The following PDCD11 variants were observed in gnomAD, a reference collection of about 807,000 sequenced individuals.
The protein encoded by PDCD11 is programmed cell death 11, also known as protein RRP5 homolog.
In PDCD11, 97 loss-of-function variants were observed where a neutral mutation model predicts 198.9. The ratio of observed to expected loss-of-function variants is 0.49; its 90% confidence interval spans 0.41 to 0.58. The LOEUF (loss-of-function observed/expected upper bound fraction) is 0.58, where lower values mean the gene tolerates loss of function less well. Ranked by LOEUF, PDCD11 falls within the 20% of genes least tolerant of loss-of-function variation. PDCD11 has a pLI of 0.00. For synonymous variants in PDCD11, 893 were observed against 918.0 expected, an observed-to-expected ratio of 0.97 and a Z score of 0.49; for missense variants, 2,102 against 2,312.7, an observed-to-expected ratio of 0.91 and a Z score of 1.87.
chr10:103,435,265 A>G (rs914007025), intron 25 of PDCD11, among the ~76,000 whole-genome samples: 2 of 151,832 alleles, frequency 1.3e-5, no homozygotes, highest in East Asian at 1.9e-4. Context: ...TTCCTTTTCT[A>G]TGCTAATATA....
At chr10:103,439,083 T>C (rs2032272158) in intron 27 of PDCD11, among the ~76,000 whole-genome samples, 1 of 152,176 alleles carries the variant, frequency 6.6e-6, no homozygotes, top group African/African-American at 2.4e-5. Flanking sequence ...ATGCCTGGAA[T>C]CCTAGCGCTT....
At chr10:103,439,479 T>A (rs2032287235) in intron 27 of PDCD11, among the ~76,000 whole-genome samples, 2 of 152,262 alleles carry the variant, frequency 1.3e-5, no homozygotes, top group Non-Finnish European at 2.9e-5. Flanking sequence ...CCTGCCATGC[T>A]GTTTCTGCAG....
In PDCD11 at chr10:103,440,287, T is replaced by C; in HGVS notation, c.4149-3T>C. On this transcript the variant is annotated splice_polypyrimidine_tract_variant and splice_region_variant and intron_variant, in intron 28 of 35. Coordinates refer to ENST00000369797, the MANE Select transcript of PDCD11 (RefSeq NM_014976.2). ...TTTACCTCCCCATCTTGCTCTGTCATAGCCTTAACCACCAGAAGAACCTGG... is the reference window on the plus strand; with the variant it reads ...TTTACCTCCCCATCTTGCTCTGTCACAGCCTTAACCACCAGAAGAACCTGG... The C allele has an allele frequency of 1.2e-6, 2 of 1,611,156 alleles. No individual in the cohort carries two copies. Among genetic ancestry groups the C allele is most frequent in the Admixed American group, 1.7e-5 (1 of 59,338 alleles).
In PDCD11 at chr10:103,434,866, C is replaced by G; in HGVS notation, c.3736C>G (p.Leu1246Val). ...GGTGAAGGTGACTCCCAACGAGGGG[C>G]TGACCGTCTCCTTCCCCTTTGGGAA... ...RVVKVTPNEG[L>V]TVSFPFGKIG... Residue 1246 changes from leucine to valine, a missense_variant, in exon 25 of 36, where the codon CTG becomes GTG. Transcript: ENST00000369797. 6.2e-7 allele frequency: 1 copy of G among 1,613,022 alleles called. No individual in the cohort carries two copies. Among genetic ancestry groups the G allele is most frequent in the Non-Finnish European group, 8.5e-7 (1 of 1,179,510 alleles).
In PDCD11 at chr10:103,409,987, A is replaced by G. The variant is rs146893319; in HGVS notation, c.978+181A>G. Among the ~76,000 whole-genome samples the G allele has an allele frequency of 9.5e-4, 145 of 152,188 alleles. 3 individuals carry two copies. The East Asian group carries it at 0.024, about 25-fold the overall frequency. On this transcript the variant is annotated intron_variant, in intron 8 of 35. Coordinates refer to ENST00000369797, the MANE Select transcript of PDCD11 (RefSeq NM_014976.2). ...GCAGTGGCTCATGCTTGTAATCCCA[A>G]CACTTTAGGAGGTGAGGTGGGCGGA...
At chr10:103,404,075 A>G (rs558826846) in intron 4 of PDCD11, among the ~76,000 whole-genome samples, 126 of 152,000 alleles carry the variant, frequency 8.3e-4, no homozygotes, top group Non-Finnish European at 1.7e-3. Flanking sequence ...TGAAACCTCC[A>G]TCTCCTGGGT....
At chr10:103,426,115 G>A (rs1592132262) in intron 20 of PDCD11, among the ~76,000 whole-genome samples, 1 of 152,336 alleles carries the variant, frequency 6.6e-6, no homozygotes, top group East Asian at 1.9e-4. Flanking sequence ...TGAGAGTCAT[G>A]GTAGCGACTA....
In PDCD11 at chr10:103,434,858, A is replaced by G. The variant is rs138842439; in HGVS notation, c.3728A>G (p.Asn1243Ser). 44 of 1,613,010 alleles carry G rather than the reference A, an allele frequency of 2.7e-5. No homozygotes were observed. In the African/African-American group the frequency reaches 5.7e-4, roughly 21 times the overall value. Residue 1243 changes from asparagine to serine, a missense_variant, in exon 25 of 36, where the codon AAC becomes AGC. Coordinates refer to ENST00000369797, the MANE Select transcript of PDCD11 (RefSeq NM_014976.2). Reference sequence around the variant, plus strand: ...GGCCGAGTGGTGAAGGTGACTCCCAACGAGGGGCTGACCGTCTCCTTCCCC... The same window carrying G: ...GGCCGAGTGGTGAAGGTGACTCCCAGCGAGGGGCTGACCGTCTCCTTCCCC... Reference protein sequence around the residue: ...AMGRVVKVTPNEGLTVSFPFG... With the variant: ...AMGRVVKVTPSEGLTVSFPFG...
rs779823906 is a variant in PDCD11, at chr10:103,425,130, G to A, written c.2910G>A (p.Leu970=). ...CCTTCCGCTTTGACTCAGAGAAATT[G>A]CAGGTGGGACAGGGTGTCTCCCTAA... The part of the protein sequence containing the change: ...NDTFRFDSEK[L]QVGQGVSLTL... The change falls in exon 20 of 36, where the codon TTG becomes TTA. Residue 970 remains leucine (L), a synonymous_variant. Transcript: ENST00000369797. 13 of 1,614,200 alleles carry A rather than the reference G, an allele frequency of 8.1e-6. No homozygotes were observed. The East Asian group carries it at 1.8e-4, about 22-fold the overall frequency.
In PDCD11 at chr10:103,405,135, C is replaced by T. The variant is rs1228834353; in HGVS notation, c.516C>T (p.Pro172=). 8 of 1,613,894 alleles carry T rather than the reference C, an allele frequency of 5.0e-6. No homozygotes were observed. The African/African-American group carries it at 9.3e-5, about 19-fold the overall frequency. Residue 172 remains proline (P), a synonymous_variant, in exon 5 of 36, where the codon CCC becomes CCT. Transcript: ENST00000369797. ...GKKSVKLSLN[P]KNVNRVLSAE... ...AGAGTGTCAAGCTGTCTCTGAACCC[C>T]AAAAATGTCAACAGAGTGCTGAGTG...
In PDCD11 at chr10:103,417,830, A is replaced by G; in HGVS notation, c.1809A>G (p.Lys603=). 6.2e-7 allele frequency: 1 copy of G among 1,614,178 alleles called. No homozygotes were observed. The highest frequency in any genetic ancestry group is 8.5e-7 in the Non-Finnish European group (1 of 1,180,024). Residue 603 remains lysine (K), a synonymous_variant, in exon 14 of 36, where the codon AAA becomes AAG. Coordinates refer to ENST00000369797, the MANE Select transcript of PDCD11 (RefSeq NM_014976.2). ...KVVVLNCEPS[K]ERMLLSFKLS... ...TCGTATTGAACTGTGAGCCATCCAA[A>G]GAGAGGATGCTCTTATCCTTCAAGC... is the stretch of plus-strand genomic sequence containing the variant.
At chr10:103,401,608 T>G (rs1458136453) in intron 3 of PDCD11, among the ~76,000 whole-genome samples, 1 of 152,168 alleles carries the variant, frequency 6.6e-6, no homozygotes, top group African/African-American at 2.4e-5. Context: ...TATGTGTTAG[T>G]TATAAAAAAG....
At chr10:103,410,710 T>C (rs1002321663) in intron 8 of PDCD11, among the ~76,000 whole-genome samples, 6 of 151,004 alleles carry the variant, frequency 4.0e-5, no homozygotes, top group South Asian at 2.1e-4. Context: ...CTGGACTCAA[T>C]TGATCTCCCA....
intron 22 of PDCD11, among the ~76,000 whole-genome samples, chr10:103,433,014 A>G (rs1298797823): frequency 1.3e-5 from 2 of 152,082 alleles, no homozygotes; most frequent in Non-Finnish European, 2.9e-5. Flanking sequence ...CCTCGTTACT[A>G]GTTCCTGTAG....
intron 32 of PDCD11, 31 bp downstream of exon 32, chr10:103,442,491 C>T (rs752454174): frequency 8.1e-6 from 13 of 1,601,414 alleles, no homozygotes; most frequent in Middle Eastern, 1.7e-4. Context: ...AGCACAGTGT[C>T]TTCGCACGTT....
chr10:103,406,800 T>TA lies in PDCD11; in HGVS notation c.870+11dup. The TA allele has an allele frequency of 6.3e-7, 1 of 1,589,728 alleles. No homozygotes were observed. The highest frequency in any genetic ancestry group is 8.6e-7 in the Non-Finnish European group (1 of 1,166,382). On this transcript the variant is annotated intron_variant, in intron 7 of 35. Transcript: ENST00000369797. Reference sequence around the variant, plus strand: ...AGCTCAGGTACAGAAGGTAAGCTGTTATGCTACTACTACTTTTTAAAATAA... The same window carrying TA: ...AGCTCAGGTACAGAAGGTAAGCTGTTAATGCTACTACTACTTTTTAAAATAA...
chr10:103,442,529 G>T, intron 32 of PDCD11, 69 bp downstream of exon 32: 2 of 1,553,068 alleles, frequency 1.3e-6, no homozygotes, highest in South Asian at 1.2e-5. Flanking sequence ...TCAACCTGTG[G>T]GGTAGCTCCT....
intron 21 of PDCD11, among the ~76,000 whole-genome samples, chr10:103,428,038 G>T (rs777169560): frequency 3.9e-5 from 6 of 152,168 alleles, no homozygotes; most frequent in Non-Finnish European, 7.4e-5. Context: ...AGGCACAGTG[G>T]CTCACGCCTG....
At chr10:103,428,253 C>A (rs754208631) in intron 21 of PDCD11, among the ~76,000 whole-genome samples, 1 of 149,676 alleles carries the variant, frequency 6.7e-6, no homozygotes, top group African/African-American at 2.5e-5. Flanking sequence ...TGGAGTAAGT[C>A]AAAATCTCGC....
Sources: allele counts gnomAD v4.1 joint callset (sites outside exome capture counted in the v4.1 genomes callset), GRCh38; gene constraint gnomAD v4.1.1; transcripts MANE v1.5; gene names NCBI Gene and HGNC (gene_info 2026-07-23, HGNC 2026-07-21).